The following CELF2 variants were observed in gnomAD, a reference collection of about 807,000 sequenced individuals.
CELF2 encodes CUG triplet repeat RNA-binding protein 2.
A neutral mutation model predicts 62.6 loss-of-function variants in CELF2; 8 were observed. The observed-to-expected ratio is 0.13, with a 90% CI of 0.07 to 0.23. The LOEUF is 0.23. Among genes scored for constraint, CELF2 ranks in the 10% least tolerant of loss-of-function variants. CELF2 has a pLI of 1.00. For synonymous variants in CELF2, 258 were observed against 250.0 expected (o/e 1.03, Z -0.30); for missense variants, 333 against 671.0 (o/e 0.50, Z 5.56).
intron 1 of CELF2, among the ~76,000 whole-genome samples, chr10:11,097,823 T>C (rs988639754): frequency 1.1e-4 from 16 of 152,198 alleles, no homozygotes; most frequent in Admixed American, 2.6e-4. Flanking sequence ...TCAACCAACC[T>C]TTGTCACCAT....
the CELF2 span, among the ~76,000 whole-genome samples, chr10:10,657,344 G>T: frequency 0.13 from 20,143 of 151,986 alleles, 1,559 homozygotes; most frequent in Non-Finnish European, 0.18. Context: ...AGACTGTGGT[G>T]ATGGTTGCGT....
the CELF2 span, among the ~76,000 whole-genome samples, chr10:10,496,401 T>A: frequency 1.3e-5 from 2 of 152,216 alleles, no homozygotes; most frequent in Non-Finnish European, 2.9e-5. Context: ...TCTTGCTGCA[T>A]GCCTGATCTT....
intron 1 of CELF2, among the ~76,000 whole-genome samples, chr10:10,831,111 C>T (rs1182812100): frequency 1.3e-5 from 2 of 152,132 alleles, no homozygotes; most frequent in Non-Finnish European, 2.9e-5. Flanking sequence ...TTATTTTCTT[C>T]CTGAAGCCTG....
At chr10:11,172,164 C>T (rs537317173) in intron 2 of CELF2, among the ~76,000 whole-genome samples, 1 of 152,168 alleles carries the variant, frequency 6.6e-6, no homozygotes, top group African/African-American at 2.4e-5. Context: ...GGGACAGCCC[C>T]AGTTTTGGTG....
chr10:11,165,446 G>T lies in CELF2; in HGVS notation c.75-40G>T, dbSNP rs200634057. The T allele has an allele frequency of 7.8e-4, 1,214 of 1,565,248 alleles. 3 individuals are homozygous for T. Among genetic ancestry groups the T allele is most frequent in the Non-Finnish European group, 9.9e-4 (1,137 of 1,152,072 alleles). On this transcript the variant is annotated intron_variant, in intron 1 of 12. Transcript: ENST00000633077. This position sits in a 1 kb window ranked among gnomAD's most constrained non-coding sequence, Gnocchi z 7.4. The stretch of plus-strand genomic sequence containing the variant: ...CTATTTTTTCTTCCTGTCCCTCATC[G>T]TGCCGCCCTAACTCTGGCTCCCGGT...
intron 1 of CELF2, among the ~76,000 whole-genome samples, chr10:10,834,618 C>A (rs921688196): frequency 6.6e-6 from 1 of 152,122 alleles, no homozygotes; most frequent in Non-Finnish European, 1.5e-5. Flanking sequence ...ACCATTGTTA[C>A]GAGGGATGGC....
chr10:10,469,917 C>A, the CELF2 span, among the ~76,000 whole-genome samples: 1 of 151,734 alleles, frequency 6.6e-6, no homozygotes, highest in East Asian at 1.9e-4. Flanking sequence ...TCTGAGTAAT[C>A]CCAAGTACAG....
intron 1 of CELF2, among the ~76,000 whole-genome samples, chr10:10,829,916 A>G (rs747773727): frequency 1.3e-5 from 2 of 152,152 alleles, no homozygotes; most frequent in African/African-American, 2.4e-5. Flanking sequence ...ATGTCATCTC[A>G]TTTTTAACAC....
At position 11,155,852 on chromosome 10, in the gene CELF2, T is replaced by A. The variant is rs191135611; in HGVS notation, c.75-9634T>A. ...GCTGGCTGCCTTCCTTAGCCTGGCG[T>A]TTCATTTCAGTTGTATTCCTTGATT... On this transcript the variant is annotated intron_variant, in intron 1 of 12. Coordinates refer to ENST00000633077, the MANE Select transcript of CELF2 (RefSeq NM_001326342.2). 2.4e-4 allele frequency among the ~76,000 whole-genome samples: 37 copies of A among 152,332 alleles called. No individual in the cohort carries two copies. In the East Asian group the frequency reaches 5.8e-3, roughly 24 times the overall value.
the CELF2 span, among the ~76,000 whole-genome samples, chr10:10,655,143 T>C: frequency 4.3e-4 from 64 of 149,474 alleles, no homozygotes; most frequent in Middle Eastern, 3.5e-3. Context: ...AATAAAATAC[T>C]TAGGAATCCA....
At chr10:10,906,091 TA>T (rs1348574783) in intron 1 of CELF2, among the ~76,000 whole-genome samples, 1 of 151,586 alleles carries the variant, frequency 6.6e-6, no homozygotes, top group Non-Finnish European at 1.5e-5. Context: ...AAAATAAAAA[TA>T]AAAAAATAAA....
chr10:10,861,188 T>C (rs2060028251), intron 1 of CELF2, among the ~76,000 whole-genome samples: 1 of 152,094 alleles, frequency 6.6e-6, no homozygotes. Flanking sequence ...GCTCAAGTGA[T>C]CCTCCCACCT....
chr10:10,713,798 G>A, the CELF2 span, among the ~76,000 whole-genome samples: 1 of 152,188 alleles, frequency 6.6e-6, no homozygotes. Flanking sequence ...ACTTTAGGAG[G>A]CTGAGGCAGG....
intron 1 of CELF2, among the ~76,000 whole-genome samples, chr10:10,908,287 T>C (rs573058702): frequency 7.6e-6 from 1 of 132,148 alleles, no homozygotes; most frequent in Admixed American, 9.1e-5. Context: ...TGGCACAATC[T>C]TGGCTCACTG....
At chr10:11,084,474 T>G (rs2074886484) in intron 1 of CELF2, among the ~76,000 whole-genome samples, 1 of 152,186 alleles carries the variant, frequency 6.6e-6, no homozygotes, top group Non-Finnish European at 1.5e-5. Flanking sequence ...GAGTGGTGAA[T>G]GTCATTTGGA....
the CELF2 span, among the ~76,000 whole-genome samples, chr10:10,581,854 C>G: frequency 6.6e-6 from 1 of 152,026 alleles, no homozygotes; most frequent in African/African-American, 2.4e-5. Flanking sequence ...ATGGTGAAAC[C>G]CGATGTCTAC....
At chr10:10,921,110 A>G (rs976748255) in intron 2 of CELF2, among the ~76,000 whole-genome samples, 4 of 151,872 alleles carry the variant, frequency 2.6e-5, no homozygotes, top group Non-Finnish European at 5.9e-5. Flanking sequence ...GACTGCCACC[A>G]TGCCCGGCTA....
At chr10:10,487,542 T>G in the CELF2 span, among the ~76,000 whole-genome samples, 747 of 152,276 alleles carry the variant, frequency 4.9e-3, 8 homozygotes, top group African/African-American at 0.017. Context: ...ATGACGTCCA[T>G]GACCCCATCC....
chr10:11,295,263 G>A (rs2093032128), intron 9 of CELF2, among the ~76,000 whole-genome samples: 1 of 152,018 alleles, frequency 6.6e-6, no homozygotes, highest in African/African-American at 2.4e-5. Flanking sequence ...GCCTGGAACT[G>A]TTCCAGCACT....
Sources: gnomAD v4.1 joint callset for allele counts (sites outside exome capture counted in the v4.1 genomes callset) on GRCh38, gnomAD v4.1.1 for gene constraint, Gnocchi (gnomAD v3.1) non-coding constraint, MANE v1.5 for transcripts, NCBI Gene and HGNC (gene_info 2026-07-23, HGNC 2026-07-21) for gene names.